ITGA8: variants seen among roughly 807,000 people sequenced by gnomAD.
ITGA8 encodes the protein integrin alpha-8.
Under a neutral mutation model 142.3 loss-of-function variants are expected in ITGA8, and 91 were observed. The observed-to-expected ratio is 0.64, with a 90% CI of 0.54 to 0.76. The LOEUF is 0.76. ITGA8 is among the 30% of genes least tolerant of loss of function. The pLI is 0.00. For missense variants in ITGA8, 1,406 were observed against 1,327.7 expected, an observed-to-expected ratio of 1.06 and a Z score of -0.92; for synonymous variants, 505 against 485.2, an observed-to-expected ratio of 1.04 and a Z score of -0.54.
chr10:15,540,635 C>A (rs1303518494), intron 27 of ITGA8, among the ~76,000 whole-genome samples: 1 of 152,194 alleles, frequency 6.6e-6, no homozygotes, highest in Non-Finnish European at 1.5e-5. Context: ...AATGTCGTAA[C>A]AAACATGAGC....
intron 13 of ITGA8, among the ~76,000 whole-genome samples, chr10:15,641,832 A>G (rs957072294): frequency 6.6e-6 from 1 of 152,228 alleles, no homozygotes. Context: ...AGAAAAAGAC[A>G]TAATTAAGAG....
intron 11 of ITGA8, among the ~76,000 whole-genome samples, chr10:15,654,304 C>T (rs1477163151): frequency 6.6e-6 from 1 of 152,170 alleles, no homozygotes; most frequent in African/African-American, 2.4e-5. Flanking sequence ...ATACTCTTTA[C>T]TCATTTAATT....
Position 15,531,142 on chromosome 10 carries a change from C to T in ITGA8, c.2890G>A (p.Asp964Asn). 2.0e-6 allele frequency: 3 copies of T among 1,487,892 alleles called. No individual in the cohort carries two copies. Among genetic ancestry groups the T allele is most frequent in the Non-Finnish European group, 1.8e-6 (2 of 1,116,038 alleles). The allele number at this position is 1,487,892 out of a possible 1,614,324, so 92.2% of individuals were successfully genotyped here. Residue 964 changes from aspartate (D) to asparagine (N), a missense_variant, in exon 28 of 30, where the codon GAT becomes AAT. Coordinates refer to ENST00000378076, the MANE Select transcript of ITGA8 (RefSeq NM_003638.3). Reference protein sequence around the residue: ...WAHTFLQRKNDPYALASLVSF... With the variant: ...WAHTFLQRKNNPYALASLVSF... ...ACCAGGGATGCAAGAGCATAGGGAT[C>T]ATTTTTTCTCTGAAAGTAAAAGTAT...
chr10:15,646,950 G>A lies in ITGA8; in HGVS notation c.1103C>T (p.Ser368Phe), dbSNP rs770732194. 3 of 1,613,986 alleles carry A rather than the reference G, an allele frequency of 1.9e-6. No homozygotes were observed. Among genetic ancestry groups the A allele is most frequent in the Non-Finnish European group, 2.5e-6 (3 of 1,179,990 alleles). Reference protein sequence around the residue: ...GQIYLYLQVSSLLFRDPQILT... With the variant: ...GQIYLYLQVSFLLFRDPQILT... ...GATCTGGGGGTCTCTGAAGAGGAGA[G>A]AGCTCACTTGCAAATACAGGTAGAT... The change falls in exon 12 of 30, where the codon TCT (serine) becomes TTT (phenylalanine). Residue 368 changes from serine (S) to phenylalanine (F), a missense_variant. By Grantham distance (155) the Ser-to-Phe change is radical (BLOSUM62 -2). Coordinates refer to ENST00000378076, the MANE Select transcript of ITGA8 (RefSeq NM_003638.3).
chr10:15,700,823 C>T (rs1835148636), intron 2 of ITGA8, among the ~76,000 whole-genome samples: 1 of 152,186 alleles, frequency 6.6e-6, no homozygotes, highest in Non-Finnish European at 1.5e-5. Flanking sequence ...TCTGTCTACT[C>T]ATTGTCATTC....
intron 2 of ITGA8, among the ~76,000 whole-genome samples, chr10:15,689,736 A>G (rs1005366081): frequency 1.4e-4 from 21 of 152,182 alleles, no homozygotes; most frequent in Non-Finnish European, 3.1e-4. Context: ...AGGTTCTGCC[A>G]TCATTCACTA....
chr10:15,688,087 A>T (rs1377804614), intron 2 of ITGA8, 49 bp from the exon 3 acceptor site: 1 of 1,154,160 alleles, frequency 8.7e-7, no homozygotes, highest in Non-Finnish European at 1.3e-6. Flanking sequence ...TGTGGCAGCC[A>T]ATTAAAACAC....
At chr10:15,624,546 C>G (rs1360033636) in intron 13 of ITGA8, among the ~76,000 whole-genome samples, 1 of 152,180 alleles carries the variant, frequency 6.6e-6, no homozygotes, top group Non-Finnish European at 1.5e-5. Context: ...GGCTTTCTCC[C>G]TGGCTTCACC....
At chr10:15,571,528 T>C (rs1834183445) in intron 25 of ITGA8, among the ~76,000 whole-genome samples, 1 of 152,248 alleles carries the variant, frequency 6.6e-6, no homozygotes, top group African/African-American at 2.4e-5. Context: ...ATTTGGATGT[T>C]AATCTGGATG....
At position 15,515,221 on chromosome 10, in the gene ITGA8, A is replaced by ACCCC. The variant is rs1278177006; in HGVS notation, c.*1933_*1936dup. On this transcript the variant is annotated 3_prime_UTR_variant, in exon 30 of 30. Transcript: ENST00000378076. ...TCTACCTGGAAGACTAACACCAAAGACCCCCAGAGGCTGGTGTGGACACCC... is the reference window on the plus strand; with the variant it reads ...TCTACCTGGAAGACTAACACCAAAGACCCCCCCCCAGAGGCTGGTGTGGACACCC... 6.6e-6 allele frequency: 1 copy of ACCCC among 151,820 alleles called. No homozygotes were observed. Among genetic ancestry groups the ACCCC allele is most frequent in the African/African-American group, 2.4e-5 (1 of 41,272 alleles). 9.4% of individuals were successfully genotyped at this position (151,820 alleles called of 1,614,324 possible).
intron 27 of ITGA8, among the ~76,000 whole-genome samples, chr10:15,535,790 G>C (rs1428368049): frequency 2.6e-5 from 4 of 152,046 alleles, no homozygotes; most frequent in African/African-American, 7.2e-5. Flanking sequence ...AACCTGCTGG[G>C]GTCCCCTTCC....
intron 3 of ITGA8, among the ~76,000 whole-genome samples, chr10:15,686,888 G>A (rs1834841781): frequency 6.6e-6 from 1 of 152,034 alleles, no homozygotes; most frequent in Non-Finnish European, 1.5e-5. Context: ...ACTATTATAT[G>A]TTACAGCTAA....
intron 13 of ITGA8, among the ~76,000 whole-genome samples, chr10:15,624,332 T>C (rs1201253544): frequency 6.6e-6 from 1 of 152,216 alleles, no homozygotes; most frequent in African/African-American, 2.4e-5. Flanking sequence ...ATTGAACAAG[T>C]CAATCTTCAT....
chr10:15,559,783 T>G (rs1302884209), intron 25 of ITGA8, among the ~76,000 whole-genome samples: 1 of 118,274 alleles, frequency 8.5e-6, no homozygotes, highest in African/African-American at 3.3e-5. Flanking sequence ...TGAGAACACA[T>G]GGACACAGGG....
At chr10:15,607,855 G>A in intron 16 of ITGA8, 24 bp from the exon 17 acceptor site, 1 of 1,602,536 alleles carries the variant, frequency 6.2e-7, no homozygotes. Context: ...GTAAAGTAGA[G>A]AAAAAGTATT....
chr10:15,557,787 T>G (rs1176981654), intron 26 of ITGA8, among the ~76,000 whole-genome samples: 1 of 152,198 alleles, frequency 6.6e-6, no homozygotes, highest in Non-Finnish European at 1.5e-5. Context: ...CAACTGAAAG[T>G]GTATGTTCCT....
chr10:15,584,340 G>C (rs1438523064), intron 23 of ITGA8, among the ~76,000 whole-genome samples: 2 of 152,042 alleles, frequency 1.3e-5, no homozygotes, highest in African/African-American at 4.8e-5. Context: ...GCAAAAAATT[G>C]AACAAGAATT....
At chr10:15,524,180 G>A (rs1348082133) in intron 28 of ITGA8, among the ~76,000 whole-genome samples, 1 of 152,092 alleles carries the variant, frequency 6.6e-6, no homozygotes, top group Non-Finnish European at 1.5e-5. Context: ...ATCTAAAATT[G>A]GTGCAGCTGC....
chr10:15,541,704 T>G (rs900030152), intron 27 of ITGA8, among the ~76,000 whole-genome samples: 4 of 152,164 alleles, frequency 2.6e-5, no homozygotes, highest in Non-Finnish European at 5.9e-5. Flanking sequence ...TTCCTCCTGC[T>G]CTTGAGGAGC....
Sources: gnomAD v4.1 joint callset for allele counts (sites outside exome capture counted in the v4.1 genomes callset) on GRCh38, gnomAD v4.1.1 for gene constraint, MANE v1.5 for transcripts, NCBI Gene and HGNC (gene_info 2026-07-23, HGNC 2026-07-21) for gene names.